ODAD2: variants seen among roughly 807,000 people sequenced by gnomAD.
ODAD2 encodes outer dynein arm-docking complex subunit 2.
A neutral mutation model predicts 106.8 loss-of-function variants in ODAD2; 89 were observed. The ratio of observed to expected loss-of-function variants is 0.83; its 90% CI spans 0.70 to 0.99. ODAD2 has a LOEUF of 0.99. ODAD2 is among the 50% of genes least tolerant of loss of function. The probability of loss-of-function intolerance (pLI) is 0.00; values close to 1 mark genes in which losing one functional copy is unlikely to be tolerated. For synonymous variants in ODAD2, 404 were observed against 436.2 expected, an observed-to-expected ratio of 0.93 and a Z score of 0.92; for missense variants, 1,168 against 1,238.5, an observed-to-expected ratio of 0.94 and a Z score of 0.85.
intron 19 of ODAD2, among the ~76,000 whole-genome samples, chr10:27,821,176 G>T (rs994482576): frequency 1.3e-5 from 2 of 152,042 alleles, no homozygotes; most frequent in Non-Finnish European, 1.5e-5. Flanking sequence ...CTCAATCAAG[G>T]GTGTAGAATT....
intron 16 of ODAD2, among the ~76,000 whole-genome samples, chr10:27,909,218 G>A (rs575183576): frequency 3.3e-5 from 5 of 151,644 alleles, no homozygotes; most frequent in Non-Finnish European, 7.4e-5. Context: ...TGAAAATTTC[G>A]CAGCAAATTT....
chr10:27,994,882 G>C, intron 2 of ODAD2, 37 bp downstream of exon 2: 2 of 1,607,974 alleles, frequency 1.2e-6, no homozygotes, highest in East Asian at 2.2e-5. Flanking sequence ...TATGTACAAC[G>C]AAGATATCAA....
chr10:27,970,139 A>G (rs530486715), intron 8 of ODAD2, among the ~76,000 whole-genome samples: 1 of 148,906 alleles, frequency 6.7e-6, no homozygotes, highest in African/African-American at 2.6e-5. Flanking sequence ...TAAATAAATA[A>G]ATAAATAAAT....
chr10:27,934,368 A>T (rs945795899), intron 16 of ODAD2, among the ~76,000 whole-genome samples: 1 of 151,342 alleles, frequency 6.6e-6, no homozygotes, highest in Non-Finnish European at 1.5e-5. Context: ...TGGAGTAAAG[A>T]TATATATCTT....
intron 6 of ODAD2, among the ~76,000 whole-genome samples, chr10:27,983,285 T>C (rs373033907): frequency 3.4e-4 from 52 of 152,186 alleles, no homozygotes; most frequent in African/African-American, 1.3e-3. Context: ...TCCCGAGGTA[T>C]GAGCATTAAC....
At chr10:27,974,292 A>C (rs1158966789) in intron 7 of ODAD2, among the ~76,000 whole-genome samples, 1 of 152,086 alleles carries the variant, frequency 6.6e-6, no homozygotes, top group Non-Finnish European at 1.5e-5. Context: ...CCCACTTGTC[A>C]ATTTTTGCTT....
intron 19 of ODAD2, among the ~76,000 whole-genome samples, chr10:27,834,933 T>C (rs889878816): frequency 1.3e-5 from 2 of 151,712 alleles, no homozygotes; most frequent in Non-Finnish European, 2.9e-5. Flanking sequence ...ACCTGAGCTA[T>C]CCTATATTAT....
At chr10:27,903,788 C>T (rs1402641763) in intron 17 of ODAD2, among the ~76,000 whole-genome samples, 6 of 152,110 alleles carry the variant, frequency 3.9e-5, no homozygotes, top group Non-Finnish European at 8.8e-5. Context: ...GAGGCCCCAC[C>T]AATACATGCA....
chr10:27,837,695 T>C lies in ODAD2; in HGVS notation c.3021+22930A>G, dbSNP rs111493203. Among the ~76,000 whole-genome samples the C allele has an allele frequency of 9.6e-4, 147 of 152,334 alleles. 2 individuals carry two copies. Among genetic ancestry groups the C allele is most frequent in the African/African-American group, 3.3e-3 (138 of 41,586 alleles). ...TCATAAAGAACGACAAAATAAACTT[T>C]ATAAATATTTCTCTTACTTTTGCTC... On this transcript the variant is annotated intron_variant, in intron 19 of 19. Transcript: ENST00000305242.
chr10:27,819,318 T>C (rs1490104707), intron 19 of ODAD2, among the ~76,000 whole-genome samples: 1 of 152,020 alleles, frequency 6.6e-6, no homozygotes, highest in East Asian at 1.9e-4. Context: ...TTGAAGAGTT[T>C]GAGGGGTTTG....
At chr10:27,854,113 C>T (rs1839486260) in intron 19 of ODAD2, among the ~76,000 whole-genome samples, 1 of 152,100 alleles carries the variant, frequency 6.6e-6, no homozygotes. Flanking sequence ...AGCTGATATA[C>T]AAGCACATAG....
intron 16 of ODAD2, among the ~76,000 whole-genome samples, chr10:27,927,608 C>T (rs1199898890): frequency 6.6e-6 from 1 of 152,030 alleles, no homozygotes; most frequent in South Asian, 2.1e-4. Flanking sequence ...ATTCACTAAC[C>T]TCCTTGTTGC....
rs754085138 is a variant in ODAD2 at position 27,944,446 on chromosome 10, A to G, written c.1534-15T>C. On this transcript the variant is annotated splice_polypyrimidine_tract_variant and intron_variant, in intron 11 of 19. Coordinates refer to ENST00000305242, the MANE Select transcript of ODAD2 (RefSeq NM_018076.5). ...AATGAACCAATCTGTGTGAGAAAAA[A>G]AAAGATGAGTGGCGAATATGTAACC... is the stretch of plus-strand genomic sequence containing the variant. The G allele has an allele frequency of 6.2e-7, 1 of 1,603,820 alleles. No homozygotes were observed. Among genetic ancestry groups the G allele is most frequent in the Non-Finnish European group, 8.5e-7 (1 of 1,170,916 alleles).
intron 16 of ODAD2, among the ~76,000 whole-genome samples, chr10:27,920,335 T>A (rs1844685831): frequency 6.6e-6 from 1 of 152,216 alleles, no homozygotes; most frequent in African/African-American, 2.4e-5. Context: ...AACACACATA[T>A]ACACGTATGC....
chr10:27,858,139 T>A (rs971410392), intron 19 of ODAD2, among the ~76,000 whole-genome samples: 2 of 152,212 alleles, frequency 1.3e-5, no homozygotes, highest in Non-Finnish European at 2.9e-5. Context: ...TTTTTTACTA[T>A]GCTTTCCTTT....
At chr10:27,882,173 A>AAAGAAAGAAAG (rs1554799031) in intron 17 of ODAD2, among the ~76,000 whole-genome samples, 3,265 of 109,596 alleles carry the variant, frequency 0.03, 82 homozygotes, top group Non-Finnish European at 0.043. Flanking sequence ...GTCATAAAAA[A>AAAGAAAGAAAG]AAAGAAAGAA....
intron 19 of ODAD2, among the ~76,000 whole-genome samples, chr10:27,821,069 C>T (rs184365194): frequency 3.9e-5 from 6 of 152,264 alleles, no homozygotes; most frequent in East Asian, 1.9e-4. Flanking sequence ...CGTGAGCCAC[C>T]GTGCCCAGCC....
chr10:27,871,884 T>C (rs1192495210), intron 17 of ODAD2, among the ~76,000 whole-genome samples: 1 of 152,198 alleles, frequency 6.6e-6, no homozygotes, highest in African/African-American at 2.4e-5. Flanking sequence ...TTTTTCCAGT[T>C]CTGTGAAGAA....
intron 2 of ODAD2, among the ~76,000 whole-genome samples, chr10:27,993,974 ATGTGTGTGTGTGTGTG>A (rs56017872): frequency 7.1e-6 from 1 of 140,546 alleles, no homozygotes; most frequent in Admixed American, 7.2e-5. Flanking sequence ...ATATATATAT[ATGTGTGTGTGTGTGTG>A]TGTGTGTGTG....
Sources: gnomAD v4.1 joint callset for allele counts (sites outside exome capture counted in the v4.1 genomes callset) on GRCh38, gnomAD v4.1.1 for gene constraint, MANE v1.5 for transcripts, NCBI Gene and HGNC (gene_info 2026-07-23, HGNC 2026-07-21) for gene names.